The following CMSS1 variants were observed in gnomAD, a reference collection of about 807,000 sequenced individuals.
The protein encoded by CMSS1 is protein CMSS1.
CMSS1 carries 33 observed loss-of-function variants against 43.5 expected under a neutral mutation model. That is an observed-to-expected ratio of 0.76 (90% CI 0.57 to 1.01). CMSS1 has a LOEUF of 1.01. Ranked by LOEUF, CMSS1 falls within the 50% of genes least tolerant of loss-of-function variation. CMSS1 has a pLI of 0.00. For synonymous variants in CMSS1, 115 were observed against 117.2 expected, an observed-to-expected ratio of 0.98 and a Z score of 0.12; for missense variants, 313 against 326.4, an observed-to-expected ratio of 0.96 and a Z score of 0.32.
intron 1 of CMSS1, among the ~76,000 whole-genome samples, chr3:99,932,208 G>A (rs1465462930): frequency 1.3e-5 from 2 of 151,952 alleles, no homozygotes; most frequent in African/African-American, 2.4e-5. Flanking sequence ...AAGTAACCAC[G>A]TAATCTTGAA....
rs1217230319 is a variant in CMSS1 at position 99,983,405 on chromosome 3, T to A, written c.65-163568T>A. Reference sequence around the variant, plus strand: ...AAATAAATAAATATATATATATATATATATATATATATATGTATGTATGTA... The same window carrying A: ...AAATAAATAAATATATATATATATAAATATATATATATATGTATGTATGTA... On this transcript the variant is annotated intron_variant, in intron 1 of 9. Coordinates refer to ENST00000421999, the MANE Select transcript of CMSS1 (RefSeq NM_032359.4). Among the ~76,000 whole-genome samples the A allele has an allele frequency of 1.2e-3, 128 of 109,528 alleles. 4 individuals carry two copies. Among genetic ancestry groups the A allele is most frequent in the African/African-American group, 4.8e-3 (124 of 26,002 alleles). 71.9% of individuals were successfully genotyped at this position (109,528 alleles called of 152,430 possible). A position where few individuals can be genotyped will look rare whatever the true frequency, so the allele number is the denominator to read the frequency against.
At chr3:99,956,746 T>C (rs1708331735) in intron 1 of CMSS1, among the ~76,000 whole-genome samples, 1 of 152,206 alleles carries the variant, frequency 6.6e-6, no homozygotes, top group African/African-American at 2.4e-5. Flanking sequence ...TCACTATTGG[T>C]TCTTTTTCCA....
intron 1 of CMSS1, among the ~76,000 whole-genome samples, chr3:99,960,637 A>C (rs1399227678): frequency 6.6e-6 from 1 of 152,162 alleles, no homozygotes; most frequent in Non-Finnish European, 1.5e-5. Flanking sequence ...CATTAGATTG[A>C]CATCTCAAGG....
chr3:100,041,658 A>G (rs956781146), intron 1 of CMSS1, among the ~76,000 whole-genome samples: 6 of 152,176 alleles, frequency 3.9e-5, no homozygotes, highest in Admixed American at 3.9e-4. Context: ...AAGAAAATAG[A>G]ATTACTTGTA....
intron 1 of CMSS1, among the ~76,000 whole-genome samples, chr3:99,918,902 T>C (rs1014282974): frequency 6.6e-6 from 1 of 152,224 alleles, no homozygotes; most frequent in Non-Finnish European, 1.5e-5. Flanking sequence ...ATTTCAATAC[T>C]TGTAAGACAT....
At chr3:100,167,441 A>G (rs1385578558) in intron 5 of CMSS1, among the ~76,000 whole-genome samples, 1 of 152,242 alleles carries the variant, frequency 6.6e-6, no homozygotes, top group Non-Finnish European at 1.5e-5. Context: ...ATTGTCTTCA[A>G]GTATCAAACC....
In CMSS1 at chr3:99,817,914, C is replaced by T. The variant is rs964926029; in HGVS notation, c.-66C>T. On this transcript the variant is annotated 5_prime_UTR_variant, in exon 1 of 10. Transcript: ENST00000421999. Reference sequence around the variant, plus strand: ...CTACGCCGGCCGCCTGGCTTTGAGACAACGTGATTCTCCGCAGCTGGTCGC... The same window carrying T: ...CTACGCCGGCCGCCTGGCTTTGAGATAACGTGATTCTCCGCAGCTGGTCGC... 5.0e-5 allele frequency: 77 copies of T among 1,551,562 alleles called. No individual in the cohort carries two copies. The Admixed American group carries it at 1.3e-3, about 26-fold the overall frequency.
chr3:99,995,316 C>T (rs750607248), intron 1 of CMSS1, among the ~76,000 whole-genome samples: 7 of 152,184 alleles, frequency 4.6e-5, no homozygotes, highest in Admixed American at 6.5e-5. Flanking sequence ...TCCTTTATCC[C>T]CAGGTCTCAC....
intron 1 of CMSS1, among the ~76,000 whole-genome samples, chr3:100,069,938 A>G (rs1053143896): frequency 3.3e-5 from 5 of 152,264 alleles, no homozygotes; most frequent in African/African-American, 1.2e-4. Flanking sequence ...TTGATAGGGT[A>G]ATTCAAGTCT....
intron 1 of CMSS1, among the ~76,000 whole-genome samples, chr3:100,012,112 G>A (rs1284959714): frequency 1.3e-5 from 2 of 152,064 alleles, no homozygotes; most frequent in Non-Finnish European, 2.9e-5. Flanking sequence ...TATTCAAAAA[G>A]CAACCTAAAA....
At chr3:100,152,563 C>T (rs564999803) in intron 2 of CMSS1, among the ~76,000 whole-genome samples, 2 of 152,286 alleles carry the variant, frequency 1.3e-5, no homozygotes, top group South Asian at 2.1e-4. Context: ...GTGACTGAAT[C>T]GTATTCTGAG....
chr3:99,964,151 T>C (rs1463324043), intron 1 of CMSS1, among the ~76,000 whole-genome samples: 1 of 151,980 alleles, frequency 6.6e-6, no homozygotes, highest in Non-Finnish European at 1.5e-5. Flanking sequence ...CAGTAGGAAG[T>C]ACATTGAGTT....
At chr3:99,948,857 A>C (rs1056632780) in intron 1 of CMSS1, among the ~76,000 whole-genome samples, 2 of 152,148 alleles carry the variant, frequency 1.3e-5, no homozygotes, top group Non-Finnish European at 2.9e-5. Context: ...CTGGAGATTG[A>C]TTTGCCCCAC....
At chr3:99,953,475 A>G (rs1034596590) in intron 1 of CMSS1, among the ~76,000 whole-genome samples, 4 of 152,140 alleles carry the variant, frequency 2.6e-5, no homozygotes, top group East Asian at 3.9e-4. Flanking sequence ...CTGGAGTTGT[A>G]TAATTATTAT....
At chr3:99,928,372 G>A (rs928978189) in intron 1 of CMSS1, among the ~76,000 whole-genome samples, 4 of 152,206 alleles carry the variant, frequency 2.6e-5, no homozygotes, top group African/African-American at 9.6e-5. Flanking sequence ...CCATAAGGGG[G>A]AAGTAGAGGA....
chr3:100,102,198 C>T lies in CMSS1; in HGVS notation c.65-44775C>T, dbSNP rs183930469. On this transcript the variant is annotated intron_variant, in intron 1 of 9. Coordinates refer to ENST00000421999, the MANE Select transcript of CMSS1 (RefSeq NM_032359.4). ...CTAGATCCCTGAGGAATCACCACAC[C>T]GACTTCCACAATGGTTGAACTAGTT... Among the ~76,000 whole-genome samples the T allele has an allele frequency of 4.6e-5, 7 of 152,242 alleles. No individual in the cohort carries two copies. The East Asian group carries it at 5.8e-4, about 13-fold the overall frequency.
chr3:99,980,749 C>T lies in CMSS1; in HGVS notation c.64+162706C>T, dbSNP rs193245270. 8.5e-5 allele frequency among the ~76,000 whole-genome samples: 13 copies of T among 152,188 alleles called. No homozygotes were observed. The East Asian group carries it at 2.3e-3, about 27-fold the overall frequency. On this transcript the variant is annotated intron_variant, in intron 1 of 9. Transcript: ENST00000421999. Reference sequence around the variant, plus strand: ...CACTTGGTAAGTTCTCACTGTTATCCGTTCTGCATTATTATTAGTTACAGG... The same window carrying T: ...CACTTGGTAAGTTCTCACTGTTATCTGTTCTGCATTATTATTAGTTACAGG...
At chr3:100,067,693 G>T (rs1031850221) in intron 1 of CMSS1, among the ~76,000 whole-genome samples, 2 of 152,068 alleles carry the variant, frequency 1.3e-5, no homozygotes, top group Admixed American at 1.3e-4. Flanking sequence ...ACTGATTAAT[G>T]ATTAACTAGT....
intron 1 of CMSS1, among the ~76,000 whole-genome samples, chr3:100,056,481 C>T (rs1241288378): frequency 6.6e-6 from 1 of 152,080 alleles, no homozygotes; most frequent in Non-Finnish European, 1.5e-5. Context: ...ACAAAGATAA[C>T]AAAAGTTTAT....
Sources: gnomAD v4.1 joint callset for allele counts (sites outside exome capture counted in the v4.1 genomes callset) on GRCh38, gnomAD v4.1.1 for gene constraint, MANE v1.5 for transcripts, NCBI Gene and HGNC (gene_info 2026-07-23, HGNC 2026-07-21) for gene names.